EPHB1: variants seen among roughly 807,000 people sequenced by gnomAD.
EPHB1 encodes EPH receptor B1.
A neutral mutation model predicts 94.4 loss-of-function variants in EPHB1; 30 were observed. The ratio of observed to expected loss-of-function variants is 0.32; its 90% CI spans 0.24 to 0.43. EPHB1 has a LOEUF of 0.43. Among genes scored for constraint, EPHB1 ranks in the 20% least tolerant of loss-of-function variants. The probability of loss-of-function intolerance (pLI) is 1.00; values close to 1 mark genes in which losing one functional copy is unlikely to be tolerated. For synonymous variants in EPHB1, 522 were observed against 489.1 expected (o/e 1.07, Z -0.89); for missense variants, 1,055 against 1,308.3 (o/e 0.81, Z 2.99).
At chr3:135,042,734 A>G (rs769265535) in intron 3 of EPHB1, among the ~76,000 whole-genome samples, 17 of 152,340 alleles carry the variant, frequency 1.1e-4, no homozygotes, top group Non-Finnish European at 2.2e-4. Context: ...CTGCCTTATT[A>G]TCTGGTCTGT....
At chr3:135,257,037 G>C (rs1282833733) in intron 15 of EPHB1, among the ~76,000 whole-genome samples, 1 of 143,382 alleles carries the variant, frequency 7.0e-6, no homozygotes, top group Non-Finnish European at 1.5e-5. Flanking sequence ...CATTCTTCAC[G>C]TAGTTCTCGA....
chr3:134,919,549 G>T (rs16842260), intron 1 of EPHB1, among the ~76,000 whole-genome samples: 7,674 of 152,252 alleles, frequency 0.05, 480 homozygotes, highest in East Asian at 0.33. Flanking sequence ...TGTGAAGTTG[G>T]CGCTTAAACA....
At chr3:135,016,451 T>G (rs527388496) in intron 3 of EPHB1, among the ~76,000 whole-genome samples, 1 of 152,300 alleles carries the variant, frequency 6.6e-6, no homozygotes, top group Admixed American at 6.5e-5. Context: ...TTGGAGAGAT[T>G]GGAGGAGGGG....
chr3:135,244,054 C>T (rs954939448), intron 13 of EPHB1, among the ~76,000 whole-genome samples: 3 of 152,070 alleles, frequency 2.0e-5, no homozygotes, highest in Non-Finnish European at 4.4e-5. Flanking sequence ...GGGAGCAGGC[C>T]CTGAAAATAC....
intron 3 of EPHB1, among the ~76,000 whole-genome samples, chr3:135,037,966 A>G (rs1211474951): frequency 6.6e-6 from 1 of 152,226 alleles, no homozygotes; most frequent in African/African-American, 2.4e-5. Context: ...TTCTTATCAC[A>G]GTCATTGTTT....
intron 10 of EPHB1, among the ~76,000 whole-genome samples, chr3:135,181,739 A>G (rs1388327910): frequency 1.3e-5 from 2 of 151,354 alleles, no homozygotes; most frequent in Non-Finnish European, 2.9e-5. Context: ...CCTACTGGAT[A>G]GTTACAATTT....
chr3:134,875,696 C>T (rs2037602876), intron 1 of EPHB1, among the ~76,000 whole-genome samples: 1 of 152,188 alleles, frequency 6.6e-6, no homozygotes. Flanking sequence ...CCATAGATCG[C>T]TGTACCTAAG....
At chr3:134,814,776 C>G (rs1046031996) in intron 1 of EPHB1, among the ~76,000 whole-genome samples, 2 of 152,180 alleles carry the variant, frequency 1.3e-5, no homozygotes, top group Non-Finnish European at 2.9e-5. Flanking sequence ...CCATTGCAGA[C>G]GAAGCTTCAT....
At chr3:135,084,859 G>A (rs1047570757) in intron 3 of EPHB1, among the ~76,000 whole-genome samples, 3 of 152,188 alleles carry the variant, frequency 2.0e-5, no homozygotes, top group Non-Finnish European at 4.4e-5. Context: ...GCAGACGTAG[G>A]AGCTGTAATG....
chr3:134,810,196 G>C (rs1488569506), intron 1 of EPHB1, among the ~76,000 whole-genome samples: 4 of 152,024 alleles, frequency 2.6e-5, no homozygotes, highest in Non-Finnish European at 5.9e-5. Flanking sequence ...ATGCAAATAT[G>C]TATATCACCT....
intron 10 of EPHB1, among the ~76,000 whole-genome samples, chr3:135,189,641 T>A (rs942607125): frequency 6.6e-6 from 1 of 152,232 alleles, no homozygotes; most frequent in African/African-American, 2.4e-5. Flanking sequence ...ATCTCTGAAG[T>A]GAGGCCCAGG....
chr3:135,245,859 G>A (rs1252586047), intron 13 of EPHB1, among the ~76,000 whole-genome samples: 8 of 150,782 alleles, frequency 5.3e-5, no homozygotes, highest in Non-Finnish European at 4.4e-5. Context: ...GCCATGCAGT[G>A]GAGACAATAA....
chr3:135,249,204 GC>G, intron 14 of EPHB1, 131 bp from the exon 15 acceptor site: 1 of 1,074,666 alleles, frequency 9.3e-7, no homozygotes, highest in Admixed American at 2.9e-5. Flanking sequence ...GAAAGGTTCA[GC>G]CCAGGGCTCC....
At chr3:135,176,276 C>A (rs1044456666) in intron 9 of EPHB1, among the ~76,000 whole-genome samples, 18 of 152,226 alleles carry the variant, frequency 1.2e-4, no homozygotes, top group Admixed American at 8.5e-4. Flanking sequence ...AGGGGAAAGT[C>A]ATTGAGTTTG....
chr3:135,248,199 GAGCAAGGGCATCTGAGACAGCCT>G, intron 13 of EPHB1, 94 bp from the exon 14 acceptor site: 1 of 995,018 alleles, frequency 1.0e-6, no homozygotes. Flanking sequence ...TGCAAGCACA[GAGCAAGGGCATCTGAGACAGCCT>G]GGATCAGGGA....
chr3:135,096,316 C>T (rs981979706), intron 3 of EPHB1, among the ~76,000 whole-genome samples: 12 of 152,180 alleles, frequency 7.9e-5, no homozygotes, highest in East Asian at 3.8e-4. Context: ...ACAGCTAGAA[C>T]GTGGAAGTTT....
At chr3:135,153,963 C>T (rs1576430969) in intron 5 of EPHB1, among the ~76,000 whole-genome samples, 189 bp from the exon 6 acceptor site, 1 of 152,194 alleles carries the variant, frequency 6.6e-6, no homozygotes, top group African/African-American at 2.4e-5. Flanking sequence ...CTTCTCTCTC[C>T]TCTGTTATCC....
In EPHB1 at chr3:135,192,805, A is replaced by G. The variant is rs1331551153; in HGVS notation, c.2112A>G (p.Ala704=). 1 of 1,613,984 alleles carries G rather than the reference A, an allele frequency of 6.2e-7. No individual in the cohort carries two copies. The highest frequency in any genetic ancestry group is 8.5e-7 in the Non-Finnish European group (1 of 1,179,896). Residue 704 remains alanine (A), a synonymous_variant, in exon 11 of 16, where the codon GCA becomes GCG. Coordinates refer to ENST00000398015, the MANE Select transcript of EPHB1 (RefSeq NM_004441.5). ...MIITEFMENG[A]LDSFLRQNDG... Reference sequence around the variant, plus strand: ...TCACAGAGTTCATGGAGAATGGTGCATTGGATTCTTTCCTCAGGGTAAGAG... The same window carrying G: ...TCACAGAGTTCATGGAGAATGGTGCGTTGGATTCTTTCCTCAGGGTAAGAG...
chr3:135,234,122 C>G (rs1943595958), intron 12 of EPHB1, among the ~76,000 whole-genome samples: 1 of 152,168 alleles, frequency 6.6e-6, no homozygotes, highest in Admixed American at 6.5e-5. Context: ...TCTTTCCTAT[C>G]TCATTGTCAG....
Sources: allele counts gnomAD v4.1 joint callset (sites outside exome capture counted in the v4.1 genomes callset), GRCh38; gene constraint gnomAD v4.1.1; transcripts MANE v1.5; gene names NCBI Gene and HGNC (gene_info 2026-07-23, HGNC 2026-07-21).